SGCZ: variants seen among roughly 807,000 people sequenced by gnomAD.
SGCZ encodes zeta-sarcoglycan.
A neutral mutation model predicts 41.3 loss-of-function variants in SGCZ; 40 were observed. That is an observed-to-expected ratio of 0.97 (90% CI 0.75 to 1.26). The LOEUF is 1.26. Among genes scored for constraint, SGCZ ranks in the 50% most tolerant of loss-of-function variants. SGCZ has a pLI of 0.00. For synonymous variants in SGCZ, 206 were observed against 137.5 expected (o/e 1.50, Z -3.49); for missense variants, 552 against 369.8 (o/e 1.49, Z -4.04).
chr8:14,537,362 G>C (rs1803327872), intron 2 of SGCZ, among the ~76,000 whole-genome samples: 1 of 151,682 alleles, frequency 6.6e-6, no homozygotes, highest in African/African-American at 2.4e-5. Context: ...ACTCAGTTTT[G>C]GGGCAACCTA....
rs1438250019 is a variant in SGCZ at position 14,624,555 on chromosome 8, A to ATTATTTTTT, written c.40-69630_40-69629insAAAAAATAA. 4.2e-5 allele frequency among the ~76,000 whole-genome samples: 4 copies of ATTATTTTTT among 96,264 alleles called. No individual in the cohort carries two copies. In the East Asian group the frequency reaches 1.2e-3, roughly 28 times the overall value. 63.2% of individuals were successfully genotyped at this position (96,264 alleles called of 152,430 possible). ...ATCACTCCCCAATTTTATTATTATT[A>ATTATTTTTT]TTTTTTTTTTTTTTTTTTTTTTTTT... On this transcript the variant is annotated intron_variant, in intron 1 of 7. Transcript: ENST00000382080.
intron 1 of SGCZ, among the ~76,000 whole-genome samples, chr8:14,766,657 G>A (rs1800044291): frequency 6.6e-6 from 1 of 151,328 alleles, no homozygotes; most frequent in Non-Finnish European, 1.5e-5. Context: ...CACCTCCCAG[G>A]CTCAAGCGAT....
chr8:14,997,581 T>C (rs993501344), intron 1 of SGCZ, among the ~76,000 whole-genome samples: 2 of 152,220 alleles, frequency 1.3e-5, no homozygotes, highest in Admixed American at 6.5e-5. Flanking sequence ...TAATATGTAA[T>C]GATATTAATC....
chr8:14,390,505 A>T (rs1804733136), intron 2 of SGCZ, among the ~76,000 whole-genome samples: 1 of 151,862 alleles, frequency 6.6e-6, no homozygotes, highest in Non-Finnish European at 1.5e-5. Context: ...GATAAATTCC[A>T]TAAGGAACAT....
intron 1 of SGCZ, among the ~76,000 whole-genome samples, chr8:15,068,630 C>T (rs1323747505): frequency 6.6e-6 from 1 of 152,160 alleles, no homozygotes; most frequent in Non-Finnish European, 1.5e-5. Context: ...TTTCCTTACA[C>T]ATAACACATC....
intron 1 of SGCZ, among the ~76,000 whole-genome samples, chr8:14,587,064 A>T (rs1314162921): frequency 1.3e-5 from 2 of 151,960 alleles, no homozygotes; most frequent in Non-Finnish European, 2.9e-5. Context: ...TTTATTATTC[A>T]TTTATTTTAC....
intron 1 of SGCZ, among the ~76,000 whole-genome samples, chr8:14,930,785 C>A (rs1481811278): frequency 6.6e-6 from 1 of 151,842 alleles, no homozygotes; most frequent in Non-Finnish European, 1.5e-5. Context: ...ACAATGAGAA[C>A]ACATGGACAC....
At chr8:14,572,767 G>T (rs11203630) in intron 1 of SGCZ, among the ~76,000 whole-genome samples, 7 of 143,024 alleles carry the variant, frequency 4.9e-5, no homozygotes, top group African/African-American at 1.5e-4. Context: ...CTCCAAAAAT[G>T]TAACATACTC....
At chr8:14,231,160 A>AGTGTGTGT (rs71209027) in intron 4 of SGCZ, among the ~76,000 whole-genome samples, 6,561 of 111,970 alleles carry the variant, frequency 0.059, 348 homozygotes, top group Middle Eastern at 0.11. Flanking sequence ...TCTTTGGGCA[A>AGTGTGTGT]GTGTGTGTGT....
intron 1 of SGCZ, among the ~76,000 whole-genome samples, chr8:15,081,997 T>A (rs1228616278): frequency 6.6e-6 from 1 of 152,172 alleles, no homozygotes; most frequent in Non-Finnish European, 1.5e-5. Flanking sequence ...GCTTCTTAAC[T>A]GGAATGTAAT....
intron 4 of SGCZ, among the ~76,000 whole-genome samples, chr8:14,206,001 A>G (rs893170104): frequency 2.0e-5 from 3 of 152,120 alleles, no homozygotes; most frequent in Admixed American, 6.6e-5. Context: ...TACATAATTG[A>G]TATTTAAACT....
chr8:14,567,472 C>A (rs555480127), intron 1 of SGCZ, among the ~76,000 whole-genome samples: 4 of 152,080 alleles, frequency 2.6e-5, no homozygotes, highest in African/African-American at 9.7e-5. Context: ...GGATTGTAAA[C>A]GCACCAATCA....
intron 1 of SGCZ, among the ~76,000 whole-genome samples, chr8:15,104,931 T>C (rs780811414): frequency 1.3e-5 from 2 of 152,222 alleles, no homozygotes; most frequent in Middle Eastern, 3.2e-3. Flanking sequence ...TTTGTTGTTG[T>C]TGTTGCTGTT....
At chr8:14,223,542 A>G (rs1444231380) in intron 4 of SGCZ, among the ~76,000 whole-genome samples, 2 of 87,508 alleles carry the variant, frequency 2.3e-5, no homozygotes, top group Non-Finnish European at 4.6e-5. Context: ...ACCAATATAT[A>G]TATATATTTT....
chr8:14,663,877 A>G (rs1015240589), intron 1 of SGCZ, among the ~76,000 whole-genome samples: 4 of 152,052 alleles, frequency 2.6e-5, no homozygotes, highest in Non-Finnish European at 5.9e-5. Context: ...CCCCATCCCT[A>G]GCTTGAAGGA....
At chr8:14,380,087 G>A (rs1461398683) in intron 2 of SGCZ, among the ~76,000 whole-genome samples, 3 of 152,050 alleles carry the variant, frequency 2.0e-5, no homozygotes, top group Non-Finnish European at 2.9e-5. Flanking sequence ...GATCTTATCA[G>A]GGCATTTATA....
chr8:14,563,060 A>G (rs552939676), intron 1 of SGCZ, among the ~76,000 whole-genome samples: 13 of 152,306 alleles, frequency 8.5e-5, no homozygotes, highest in Non-Finnish European at 1.5e-4. Flanking sequence ...ACATCAGCTT[A>G]TGAAAAACTG....
intron 1 of SGCZ, among the ~76,000 whole-genome samples, chr8:14,795,627 A>G (rs773400333): frequency 6.6e-6 from 1 of 152,088 alleles, no homozygotes; most frequent in African/African-American, 2.4e-5. Flanking sequence ...AAGCCCTCAT[A>G]TTAAAATGCA....
chr8:14,902,093 C>T (rs1798988438), intron 1 of SGCZ, among the ~76,000 whole-genome samples: 1 of 152,086 alleles, frequency 6.6e-6, no homozygotes, highest in Non-Finnish European at 1.5e-5. Context: ...TGCCTACACT[C>T]AAATTTGGTG....
Sources: allele counts gnomAD v4.1 joint callset (sites outside exome capture counted in the v4.1 genomes callset), GRCh38; gene constraint gnomAD v4.1.1; transcripts MANE v1.5; gene names NCBI Gene and HGNC (gene_info 2026-07-23, HGNC 2026-07-21).